RNF145: variants seen among roughly 807,000 people sequenced by gnomAD.
The protein encoded by RNF145 is ring finger protein 145.
RNF145 carries 12 observed loss-of-function variants against 57.3 expected under a neutral mutation model. The ratio of observed to expected loss-of-function variants is 0.21; its 90% CI spans 0.13 to 0.34. RNF145 has a LOEUF of 0.34. Among genes scored for constraint, RNF145 ranks in the 10% least tolerant of loss-of-function variants. The pLI is 1.00. For missense variants in RNF145, 429 were observed against 799.0 expected (o/e 0.54, Z 5.58); for synonymous variants, 262 against 288.3 (o/e 0.91, Z 0.92).
chr5:159,176,136 C>G (rs1209380600), intron 5 of RNF145, among the ~76,000 whole-genome samples: 1 of 152,044 alleles, frequency 6.6e-6, no homozygotes, highest in Non-Finnish European at 1.5e-5. Context: ...TTAAATTAGG[C>G]ACACAAAGGG....
intron 9 of RNF145, among the ~76,000 whole-genome samples, chr5:159,161,840 C>G (rs532972199): frequency 7.9e-5 from 12 of 152,200 alleles, no homozygotes; most frequent in African/African-American, 2.6e-4. Context: ...GTAATCCAGG[C>G]ATAGAAAACA....
At chr5:159,207,640 C>T (rs1427914465) in intron 1 of RNF145, 2 of 1,607,276 alleles carry the variant, frequency 1.2e-6, no homozygotes, top group Non-Finnish European at 1.7e-6. Context: ...TAAGTAAAAG[C>T]CCAGAACTGA....
intron 2 of RNF145, among the ~76,000 whole-genome samples, chr5:159,196,541 A>G (rs1785467510): frequency 6.6e-6 from 1 of 152,100 alleles, no homozygotes; most frequent in Admixed American, 6.5e-5. Context: ...CTTATCCCCT[A>G]TTGCCTCTCT....
Position 159,202,309 on chromosome 5 carries a change from G to A in RNF145, c.184+1125C>T, listed in dbSNP as rs138302107. On this transcript the variant is annotated intron_variant, in intron 2 of 10. Coordinates refer to ENST00000424310, the MANE Select transcript of RNF145 (RefSeq NM_001199383.2). ...AGTACCCAGTTGTTCTACAACTGAC[G>A]GGAATTACTTTCCATAAATTGGCTA... Among the ~76,000 whole-genome samples the A allele has an allele frequency of 4.3e-4, 66 of 152,262 alleles. 1 individual carries two copies. Among genetic ancestry groups the A allele is most frequent in the African/African-American group, 1.4e-3 (60 of 41,540 alleles).
In RNF145 at chr5:159,203,604, T is replaced by C. The variant is rs1433972459; in HGVS notation, c.14A>G (p.Glu5Gly). The change falls in exon 2 of 11, where the codon GAG becomes GGG. Residue 5 changes from glutamate (E) to glycine (G), a missense_variant. Transcript: ENST00000424310. MAAK[E>G]KLEAVLNVAL... is the part of the protein sequence containing the mutation. ...CACATTTAACACTGCCTCCAGTTTC[T>C]CCTTTGCAGCCATGTTGTTTTTTTT... 3.3e-5 allele frequency: 53 copies of C among 1,610,628 alleles called. No individual in the cohort carries two copies. Among genetic ancestry groups the C allele is most frequent in the Non-Finnish European group, 4.4e-5 (52 of 1,179,248 alleles).
chr5:159,175,369 T>G (rs1562056093), intron 5 of RNF145, among the ~76,000 whole-genome samples: 1 of 152,134 alleles, frequency 6.6e-6, no homozygotes, highest in Non-Finnish European at 1.5e-5. Flanking sequence ...TTTTATAACC[T>G]ATATTTCCAA....
intron 3 of RNF145, among the ~76,000 whole-genome samples, chr5:159,189,138 A>T (rs1393763073): frequency 1.3e-5 from 2 of 152,226 alleles, no homozygotes; most frequent in African/African-American, 4.8e-5. Context: ...CATAGATCTG[A>T]TAAGGGACTT....
At chr5:159,192,542 G>T (rs1425322820) in intron 3 of RNF145, among the ~76,000 whole-genome samples, 2 of 152,124 alleles carry the variant, frequency 1.3e-5, no homozygotes, top group Non-Finnish European at 2.9e-5. Context: ...AAAATACCAT[G>T]TAAAAATCAT....
intron 3 of RNF145, among the ~76,000 whole-genome samples, chr5:159,192,996 G>C (rs573260902): frequency 8.5e-5 from 13 of 152,198 alleles, no homozygotes; most frequent in Admixed American, 3.9e-4. Flanking sequence ...CAGAGGTATC[G>C]GGGTAAGGCC....
intron 2 of RNF145, among the ~76,000 whole-genome samples, chr5:159,196,183 G>T (rs1785453565): frequency 6.6e-6 from 1 of 150,676 alleles, no homozygotes; most frequent in Non-Finnish European, 1.5e-5. Context: ...GGATGGCTTT[G>T]AATACAGCCC....
rs1316530829 is a variant in RNF145 at position 159,204,292 on chromosome 5, A to T, written c.-39-636T>A. On this transcript the variant is annotated intron_variant, in intron 1 of 10. Coordinates refer to ENST00000424310, the MANE Select transcript of RNF145 (RefSeq NM_001199383.2). ...CATAATCTGCCTTCAAGTGTTCATC[A>T]AATTCTTCCCTTGATACACAGATAA... Among the ~76,000 whole-genome samples, 3 of 152,278 alleles carry T rather than the reference A, an allele frequency of 2.0e-5. No individual in the cohort carries two copies. In the East Asian group the frequency reaches 5.8e-4, roughly 29 times the overall value.
chr5:159,209,408 A>AGGCAGC lies in RNF145; in HGVS notation c.-223_-218dup, dbSNP rs70987958. The AGGCAGC allele has an allele frequency of 3.9e-5, 38 of 985,662 alleles. No homozygotes were observed. The highest frequency in any genetic ancestry group is 5.1e-4 in the Middle Eastern group (1 of 1,942). The allele number at this position is 985,662 out of a possible 1,614,324, so 61.1% of individuals were successfully genotyped here. A position where few individuals can be genotyped will look rare whatever the true frequency, so the allele number is the denominator to read the frequency against. On this transcript the variant is annotated 5_prime_UTR_variant, in exon 1 of 11. Transcript: ENST00000424310. ...TCGGATGTTGCTTCTGGGGAGGCGGAGGCAGCGGCAGCGGCAGCGGCCCGG... is the reference window on the plus strand; with the variant it reads ...TCGGATGTTGCTTCTGGGGAGGCGGAGGCAGCGGCAGCGGCAGCGGCAGCGGCCCGG...
chr5:159,189,115 T>C (rs1042587204), intron 3 of RNF145, among the ~76,000 whole-genome samples: 1 of 151,904 alleles, frequency 6.6e-6, no homozygotes, highest in Non-Finnish European at 1.5e-5. Flanking sequence ...GGGACTTGTA[T>C]ATATTTGCAA....
chr5:159,194,578 T>A (rs1046688705), intron 3 of RNF145, 138 bp downstream of exon 3: 6 of 639,210 alleles, frequency 9.4e-6, no homozygotes, highest in Non-Finnish European at 1.7e-5. Flanking sequence ...TGTGTAAGAT[T>A]TGGAAAATGA....
At chr5:159,207,355 A>C in intron 1 of RNF145, 4 of 666,840 alleles carry the variant, frequency 6.0e-6, no homozygotes, top group Non-Finnish European at 1.0e-5. Flanking sequence ...TACACCTCCT[A>C]AACTTTTTTT....
At chr5:159,203,068 GC>G (rs1785728231) in intron 2 of RNF145, among the ~76,000 whole-genome samples, 1 of 152,072 alleles carries the variant, frequency 6.6e-6, no homozygotes, top group Admixed American at 6.6e-5. Flanking sequence ...AAAGAATGTT[GC>G]ATTTTAAAAA....
At position 159,158,872 on chromosome 5, in the gene RNF145, G is replaced by C; in HGVS notation, c.1790C>G (p.Ala597Gly). The C allele has an allele frequency of 6.2e-7, 1 of 1,613,922 alleles. No homozygotes were observed. The highest frequency in any genetic ancestry group is 8.5e-7 in the Non-Finnish European group (1 of 1,179,856). Residue 597 changes from alanine (A) to glycine (G), a missense_variant, in exon 11 of 11, where the codon GCT (alanine) becomes GGT (glycine). Physicochemically the swap from Ala to Gly is moderately conservative, Grantham distance 60. Transcript: ENST00000424310. ...LGTEPVLQPH[A>G]GAEQNVMFQE... is the part of the protein sequence containing the mutation. ...AAACATGACGTTTTGCTCAGCTCCA[G>C]CATGAGGCTGTAGAACTGGCTCAGT...
chr5:159,171,590 TTCAG>T (rs1217137157), intron 6 of RNF145, among the ~76,000 whole-genome samples: 2 of 152,186 alleles, frequency 1.3e-5, no homozygotes, highest in East Asian at 1.9e-4. Context: ...TCTCTCTTCA[TTCAG>T]TAACTCATTT....
intron 8 of RNF145, among the ~76,000 whole-genome samples, chr5:159,164,234 CTAATAATAA>C (rs553921309): frequency 2.0e-5 from 3 of 151,368 alleles, no homozygotes; most frequent in Non-Finnish European, 4.4e-5. Context: ...TTGCCAAAAA[CTAATAATAA>C]TAATAATAAT....
Sources: allele counts gnomAD v4.1 joint callset (sites outside exome capture counted in the v4.1 genomes callset), GRCh38; gene constraint gnomAD v4.1.1; transcripts MANE v1.5; gene names NCBI Gene and HGNC (gene_info 2026-07-23, HGNC 2026-07-21).